AGMO: variants seen among roughly 807,000 people sequenced by gnomAD.
AGMO encodes the protein glyceryl-ether monooxygenase.
A neutral mutation model predicts 60.2 loss-of-function variants in AGMO; 75 were observed. The observed-to-expected ratio is 1.25, with a 90% CI of 1.03 to 1.51. The LOEUF (loss-of-function observed/expected upper bound fraction) is 1.51, where lower values mean the gene tolerates loss of function less well. Ranked by LOEUF, AGMO falls within the 40% of genes most tolerant of loss-of-function variation. AGMO has a pLI of 0.00. For synonymous variants in AGMO, 261 were observed against 177.1 expected (o/e 1.47, Z -3.76); for missense variants, 763 against 525.5 (o/e 1.45, Z -4.42).
chr7:15,172,459 G>A, the AGMO span, among the ~76,000 whole-genome samples: 2 of 152,156 alleles, frequency 1.3e-5, no homozygotes, highest in Admixed American at 6.5e-5. Flanking sequence ...GTAGACCTCC[G>A]AAGAGTGAGG....
intron 9 of AGMO, among the ~76,000 whole-genome samples, chr7:15,386,546 C>T (rs777546759): frequency 1.3e-5 from 2 of 152,066 alleles, no homozygotes; most frequent in Non-Finnish European, 2.9e-5. Context: ...TGAACATAAA[C>T]GGAAGTGGGA....
At chr7:15,211,795 C>T (rs1781599896) in intron 12 of AGMO, among the ~76,000 whole-genome samples, 1 of 151,838 alleles carries the variant, frequency 6.6e-6, no homozygotes, top group Admixed American at 6.6e-5. Context: ...GGATCTTGAG[C>T]AACACAATGG....
the AGMO span, among the ~76,000 whole-genome samples, chr7:15,123,516 T>G: frequency 3.9e-5 from 6 of 152,040 alleles, no homozygotes; most frequent in Non-Finnish European, 8.8e-5. Context: ...AATACTTATA[T>G]TCACACAGGA....
At chr7:15,448,023 G>C (rs778794230) in intron 3 of AGMO, among the ~76,000 whole-genome samples, 3 of 152,168 alleles carry the variant, frequency 2.0e-5, no homozygotes, top group Non-Finnish European at 4.4e-5. Flanking sequence ...GGTTACAAAT[G>C]TCAAAACCAC....
intron 12 of AGMO, among the ~76,000 whole-genome samples, chr7:15,264,648 G>A (rs1398340297): frequency 6.6e-6 from 1 of 151,926 alleles, no homozygotes; most frequent in Non-Finnish European, 1.5e-5. Context: ...CTCAAAAGAA[G>A]GCATACAAGC....
intron 10 of AGMO, among the ~76,000 whole-genome samples, chr7:15,371,992 A>G (rs1783237475): frequency 1.3e-5 from 2 of 152,128 alleles, no homozygotes; most frequent in Non-Finnish European, 1.5e-5. Context: ...TAAAAAACAG[A>G]ATATCCCAAA....
In AGMO at chr7:15,299,850, C is replaced by CAA. The variant is rs1563075494; in HGVS notation, c.1263+65663_1263+65664insTT. 4.7e-5 allele frequency among the ~76,000 whole-genome samples: 7 copies of CAA among 148,160 alleles called. No individual in the cohort carries two copies. In the East Asian group the frequency reaches 1.2e-3, roughly 26 times the overall value. ...CTACATACACACACACACACACACA[C>CAA]ACACACACACACACACACACACACA... On this transcript the variant is annotated intron_variant, in intron 12 of 12. Transcript: ENST00000342526.
intron 3 of AGMO, among the ~76,000 whole-genome samples, chr7:15,444,886 TC>T (rs1781658458): frequency 6.6e-6 from 1 of 152,184 alleles, no homozygotes; most frequent in Non-Finnish European, 1.5e-5. Flanking sequence ...TTCCTGCTTT[TC>T]CCCTGTTTTA....
the AGMO span, among the ~76,000 whole-genome samples, chr7:15,158,669 C>A: frequency 6.6e-6 from 1 of 152,148 alleles, no homozygotes; most frequent in Admixed American, 6.5e-5. Flanking sequence ...TAAACTAGGT[C>A]CATTCATAAA....
rs550960209 is a variant in AGMO at position 15,298,491 on chromosome 7, C to T, written c.1263+67023G>A. The stretch of plus-strand genomic sequence containing the variant: ...CTCACTGCAGCCTTGACCTCCTGGG[C>T]TCAGGTGATCCTCTCACCTAAGCCT... On this transcript the variant is annotated intron_variant, in intron 12 of 12. Coordinates refer to ENST00000342526, the MANE Select transcript of AGMO (RefSeq NM_001004320.2). 3.6e-3 allele frequency among the ~76,000 whole-genome samples: 543 copies of T among 152,176 alleles called. 12 individuals carry two copies. Among genetic ancestry groups the T allele is most frequent in the Non-Finnish European group, 6.6e-4 (45 of 68,012 alleles).
intron 5 of AGMO, among the ~76,000 whole-genome samples, chr7:15,409,745 AT>A (rs1423294766): frequency 6.6e-6 from 1 of 151,836 alleles, no homozygotes; most frequent in African/African-American, 2.4e-5. Flanking sequence ...TTATTACAAC[AT>A]TAAGATCAGA....
At chr7:15,218,483 G>A (rs1781814598) in intron 12 of AGMO, among the ~76,000 whole-genome samples, 1 of 151,718 alleles carries the variant, frequency 6.6e-6, no homozygotes. Flanking sequence ...GCAATGGACA[G>A]GAAGGAAAAG....
chr7:15,176,610 G>C, the AGMO span, among the ~76,000 whole-genome samples: 2 of 151,798 alleles, frequency 1.3e-5, no homozygotes, highest in Admixed American at 1.3e-4. Context: ...CTTATGCATT[G>C]TATAATGATT....
Position 15,394,307 on chromosome 7 carries a change from T to C in AGMO, c.610-128A>G, listed in dbSNP as rs1312541168. 4.3e-6 allele frequency: 3 copies of C among 704,128 alleles called. No homozygotes were observed. In the Admixed American group the frequency reaches 7.9e-5, roughly 19 times the overall value. 43.6% of individuals were successfully genotyped at this position (704,128 alleles called of 1,614,324 possible). Reference sequence around the variant, plus strand: ...GAATTTCAGGGTTGGTATCAGAGAGTGGAAAAAAGTTCCACTGAAATCTGG... The same window carrying C: ...GAATTTCAGGGTTGGTATCAGAGAGCGGAAAAAAGTTCCACTGAAATCTGG... On this transcript the variant is annotated intron_variant, in intron 5 of 12. Transcript: ENST00000342526.
intron 12 of AGMO, among the ~76,000 whole-genome samples, chr7:15,337,397 G>T (rs1020462287): frequency 6.6e-6 from 1 of 152,106 alleles, no homozygotes; most frequent in Non-Finnish European, 1.5e-5. Context: ...CAGGCAATGA[G>T]AGGAATGACT....
chr7:15,376,230 C>G (rs1783444801), intron 10 of AGMO, among the ~76,000 whole-genome samples: 1 of 151,850 alleles, frequency 6.6e-6, no homozygotes, highest in Non-Finnish European at 1.5e-5. Flanking sequence ...CACCGAAAAT[C>G]TTAAGGAAAT....
In AGMO at chr7:15,201,063, C is replaced by CT; in HGVS notation, c.*221dup. On this transcript the variant is annotated 3_prime_UTR_variant, in exon 13 of 13. Transcript: ENST00000342526. ...AATATAACATCATTATATTTGAAAT[C>CT]TTTTTTTAATTGTAGTAAAGGGGGG... The CT allele has an allele frequency of 2.8e-6, 1 of 361,854 alleles. No homozygotes were observed. The highest frequency in any genetic ancestry group is 4.9e-6 in the Non-Finnish European group (1 of 203,394). The allele number at this position is 361,854 out of a possible 1,614,324, so 22.4% of individuals were successfully genotyped here. A position where few individuals can be genotyped will look rare whatever the true frequency, so the allele number is the denominator to read the frequency against.
At chr7:15,560,311 C>T (rs1415878334) in intron 1 of AGMO, 40 bp from the exon 2 acceptor site, 1 of 1,580,304 alleles carries the variant, frequency 6.3e-7, no homozygotes, top group African/African-American at 1.4e-5. Flanking sequence ...TATTATGTTC[C>T]ATATGAAATT....
At chr7:15,440,909 C>T (rs890647918) in intron 3 of AGMO, among the ~76,000 whole-genome samples, 2 of 152,200 alleles carry the variant, frequency 1.3e-5, no homozygotes, top group Non-Finnish European at 2.9e-5. Context: ...CTCCATCATT[C>T]CCATTTGTAT....
Sources: gnomAD v4.1 joint callset for allele counts (sites outside exome capture counted in the v4.1 genomes callset) on GRCh38, gnomAD v4.1.1 for gene constraint, MANE v1.5 for transcripts, NCBI Gene and HGNC (gene_info 2026-07-23, HGNC 2026-07-21) for gene names.